Variants in PKIA observed in about 807,000 individuals in gnomAD.
PKIA encodes PKI-alpha.
In PKIA, 4 loss-of-function variants were observed where a neutral mutation model predicts 7.6. The ratio of observed to expected loss-of-function variants is 0.52; its 90% CI spans 0.26 to 1.20. The LOEUF is 1.20. Ranked by LOEUF, PKIA falls within the 50% of genes most tolerant of loss-of-function variation. PKIA has a pLI of 0.13. For missense variants in PKIA, 73 were observed against 86.2 expected, an observed-to-expected ratio of 0.85 and a Z score of 0.61; for synonymous variants, 21 against 30.7, an observed-to-expected ratio of 0.68 and a Z score of 1.04.
At chr8:78,518,914 G>A (rs1220887073) in intron 1 of PKIA, among the ~76,000 whole-genome samples, 1 of 152,152 alleles carries the variant, frequency 6.6e-6, no homozygotes, top group East Asian at 1.9e-4. Context: ...AAACAAGTTT[G>A]AGGAAAGTTT....
At chr8:78,565,980 A>G (rs561665896) in intron 1 of PKIA, among the ~76,000 whole-genome samples, 2 of 152,128 alleles carry the variant, frequency 1.3e-5, no homozygotes, top group South Asian at 2.1e-4. Flanking sequence ...TGTTCGATAA[A>G]GATTTAATTA....
At chr8:78,540,783 T>A (rs1806666475) in intron 1 of PKIA, among the ~76,000 whole-genome samples, 1 of 151,964 alleles carries the variant, frequency 6.6e-6, no homozygotes, top group Admixed American at 6.6e-5. Flanking sequence ...AATGATTCCA[T>A]CTACAAAAAT....
intron 1 of PKIA, among the ~76,000 whole-genome samples, chr8:78,530,314 C>G (rs1268232142): frequency 6.6e-6 from 1 of 151,874 alleles, no homozygotes; most frequent in Non-Finnish European, 1.5e-5. Context: ...CTGTTTTGTG[C>G]CATGGCCAAT....
intron 1 of PKIA, among the ~76,000 whole-genome samples, chr8:78,537,296 T>C (rs1315076565): frequency 2.6e-5 from 4 of 152,042 alleles, no homozygotes; most frequent in African/African-American, 9.7e-5. Flanking sequence ...CAGTAAAAGA[T>C]AGCTATAAAC....
chr8:78,516,922 C>T (rs538585516), intron 1 of PKIA, among the ~76,000 whole-genome samples: 49 of 152,226 alleles, frequency 3.2e-4, no homozygotes, highest in South Asian at 6.2e-4. Flanking sequence ...TGGGTCTGTG[C>T]CCCTCTCAAT....
At chr8:78,525,162 C>G (rs1400029743) in intron 1 of PKIA, among the ~76,000 whole-genome samples, 1 of 151,652 alleles carries the variant, frequency 6.6e-6, no homozygotes, top group Non-Finnish European at 1.5e-5. Flanking sequence ...CATGCACCAT[C>G]TGTTTACCCA....
chr8:78,578,911 C>T (rs995077560), intron 2 of PKIA, among the ~76,000 whole-genome samples: 3 of 152,032 alleles, frequency 2.0e-5, no homozygotes, highest in African/African-American at 4.8e-5. Flanking sequence ...TCATAATTCC[C>T]ATTTCCCACT....
intron 1 of PKIA, among the ~76,000 whole-genome samples, chr8:78,521,215 T>C (rs1396026392): frequency 6.6e-6 from 1 of 152,166 alleles, no homozygotes; most frequent in Non-Finnish European, 1.5e-5. Flanking sequence ...CTTTGGAATA[T>C]ATTCAGTTCT....
chr8:78,596,513 A>C (rs1175473620), intron 2 of PKIA, among the ~76,000 whole-genome samples: 1 of 152,194 alleles, frequency 6.6e-6, no homozygotes, highest in Non-Finnish European at 1.5e-5. Context: ...TGCTGGGATT[A>C]CAGGCGTGAG....
At chr8:78,532,379 C>T (rs1806409111) in intron 1 of PKIA, among the ~76,000 whole-genome samples, 1 of 151,892 alleles carries the variant, frequency 6.6e-6, no homozygotes, top group Non-Finnish European at 1.5e-5. Flanking sequence ...CATCCCACTC[C>T]AGCTCACCCC....
intron 1 of PKIA, among the ~76,000 whole-genome samples, chr8:78,531,423 CG>C (rs1204088750): frequency 3.9e-5 from 6 of 152,152 alleles, no homozygotes; most frequent in African/African-American, 1.4e-4. Context: ...AGTGATCATT[CG>C]CTTTTGAGGC....
chr8:78,518,404 T>C (rs1429941857), intron 1 of PKIA, among the ~76,000 whole-genome samples: 1 of 152,234 alleles, frequency 6.6e-6, no homozygotes. Context: ...AAACCCTGTA[T>C]TCTACCACCT....
At position 78,598,349 on chromosome 8, in the gene PKIA, CT is replaced by C. The variant is rs761317972; in HGVS notation, c.-27-5del. The C allele has an allele frequency of 1.6e-5, 25 of 1,565,220 alleles. No individual in the cohort carries two copies. The highest frequency in any genetic ancestry group is 2.2e-5 in the Non-Finnish European group (25 of 1,145,780). ...TATATTCACCTATTAATTTTCCTTT[CT>C]TTTGTAGTCCCTGCTATGTGGATAT... On this transcript the variant is annotated splice_region_variant and splice_polypyrimidine_tract_variant and intron_variant, in intron 2 of 3. Coordinates refer to ENST00000396418, the MANE Select transcript of PKIA (RefSeq NM_006823.4).
intron 1 of PKIA, among the ~76,000 whole-genome samples, chr8:78,517,091 T>G (rs1327754976): frequency 2.0e-5 from 3 of 152,208 alleles, no homozygotes; most frequent in Non-Finnish European, 4.4e-5. Context: ...TTGATCTTTT[T>G]CGGAGATGCT....
At chr8:78,575,116 T>C (rs1005807121) in intron 2 of PKIA, among the ~76,000 whole-genome samples, 9 of 152,128 alleles carry the variant, frequency 5.9e-5, no homozygotes, top group African/African-American at 2.2e-4. Flanking sequence ...AAAACATTAT[T>C]ATATAGTATC....
At chr8:78,562,993 C>T (rs925827265) in intron 1 of PKIA, among the ~76,000 whole-genome samples, 2 of 152,102 alleles carry the variant, frequency 1.3e-5, no homozygotes, top group African/African-American at 4.8e-5. Flanking sequence ...AAAAAATCTT[C>T]ATTCAATTAA....
intron 1 of PKIA, chr8:78,558,647 T>C (rs1807210021): frequency 7.1e-6 from 1 of 140,236 alleles, no homozygotes; most frequent in Non-Finnish European, 1.5e-5. Flanking sequence ...GTCCCTCCTG[T>C]GACATGTGGG....
In PKIA at chr8:78,572,292, G is replaced by A. The variant is rs148888047; in HGVS notation, c.-156-519G>A. ...ACACAAACATTTTGTGTGTGACAAC[G>A]CTTGAACAGACATTAAAAGTCTCTG... On this transcript the variant is annotated intron_variant, in intron 1 of 3. Coordinates refer to ENST00000396418, the MANE Select transcript of PKIA (RefSeq NM_006823.4). Among the ~76,000 whole-genome samples, 333 of 147,126 alleles carry A rather than the reference G, an allele frequency of 2.3e-3. 1 individual carries two copies. Among genetic ancestry groups the A allele is most frequent in the South Asian group, 0.012 (54 of 4,564 alleles).
chr8:78,601,699 AT>A (rs1462847161), intron 3 of PKIA, 42 bp from the exon 4 acceptor site: 18 of 1,429,068 alleles, frequency 1.3e-5, no homozygotes, highest in Middle Eastern at 1.7e-4. Context: ...AAAAGCAATC[AT>A]TTTTATTTTG....
Sources: gnomAD v4.1 joint callset for allele counts (sites outside exome capture counted in the v4.1 genomes callset) on GRCh38, gnomAD v4.1.1 for gene constraint, MANE v1.5 for transcripts, NCBI Gene and HGNC (gene_info 2026-07-23, HGNC 2026-07-21) for gene names.